ZNF277: variants seen among roughly 807,000 people sequenced by gnomAD.
ZNF277 encodes the protein zinc finger protein 277.
Under a neutral mutation model 60.7 loss-of-function variants are expected in ZNF277, and 55 were observed. That is an observed-to-expected ratio of 0.91 (90% confidence interval 0.73 to 1.13). The LOEUF (loss-of-function observed/expected upper bound fraction) is 1.13, where lower values mean the gene tolerates loss of function less well. ZNF277 is among the 50% of genes most tolerant of loss of function. ZNF277 has a pLI of 0.00. For synonymous variants in ZNF277, 178 were observed against 179.3 expected (o/e 0.99, Z 0.06); for missense variants, 510 against 523.0 (o/e 0.98, Z 0.24).
intron 1 of ZNF277, among the ~76,000 whole-genome samples, chr7:112,208,003 A>C (rs1821606747): frequency 6.6e-6 from 1 of 152,192 alleles, no homozygotes. Flanking sequence ...ACAGACTATT[A>C]CGGTTTCCTA....
chr7:112,265,465 A>G (rs767231495), intron 1 of ZNF277, among the ~76,000 whole-genome samples: 18 of 152,212 alleles, frequency 1.2e-4, no homozygotes, highest in Non-Finnish European at 2.5e-4. Context: ...AATTAGTAAC[A>G]TCAAGTATCA....
chr7:112,232,288 C>T (rs544712571), intron 1 of ZNF277, among the ~76,000 whole-genome samples: 48 of 151,998 alleles, frequency 3.2e-4, no homozygotes, highest in Non-Finnish European at 5.1e-4. Flanking sequence ...ACTAGACAAC[C>T]GAAGAAACCC....
At chr7:112,267,767 T>G (rs1365419646) in intron 1 of ZNF277, among the ~76,000 whole-genome samples, 1 of 152,086 alleles carries the variant, frequency 6.6e-6, no homozygotes, top group South Asian at 2.1e-4. Context: ...GGAAAGAAAG[T>G]TTTCCCTAGT....
At chr7:112,305,258 T>C (rs1186196654) in intron 4 of ZNF277, among the ~76,000 whole-genome samples, 8 of 152,028 alleles carry the variant, frequency 5.3e-5, no homozygotes, top group African/African-American at 1.9e-4. Flanking sequence ...CATGGCTTTT[T>C]TTGAAGGGGA....
intron 1 of ZNF277, among the ~76,000 whole-genome samples, chr7:112,258,377 T>C (rs1051033415): frequency 1.3e-5 from 2 of 151,806 alleles, no homozygotes; most frequent in African/African-American, 4.9e-5. Flanking sequence ...CTTTTTTTTT[T>C]AGTACATACC....
chr7:112,270,808 T>A (rs1791651266), intron 1 of ZNF277, among the ~76,000 whole-genome samples: 1 of 152,140 alleles, frequency 6.6e-6, no homozygotes, highest in Admixed American at 6.5e-5. Context: ...TATAAAGTTA[T>A]AAAATTGATC....
At chr7:112,279,452 TAG>T (rs1164317979) in intron 1 of ZNF277, among the ~76,000 whole-genome samples, 1 of 152,170 alleles carries the variant, frequency 6.6e-6, no homozygotes, top group East Asian at 1.9e-4. Flanking sequence ...CCCTGGTGAT[TAG>T]CACCTTTTCA....
chr7:112,277,044 A>G (rs1050871454), intron 1 of ZNF277, among the ~76,000 whole-genome samples: 5 of 144,990 alleles, frequency 3.4e-5, no homozygotes, highest in Non-Finnish European at 6.1e-5. Flanking sequence ...TTAAATTTTT[A>G]TGGGTCCCCA....
At chr7:112,270,679 A>G (rs1791648749) in intron 1 of ZNF277, among the ~76,000 whole-genome samples, 1 of 152,118 alleles carries the variant, frequency 6.6e-6, no homozygotes, top group African/African-American at 2.4e-5. Flanking sequence ...ACAAAATATA[A>G]TATCTATCAC....
chr7:112,265,972 G>C (rs1476423095), intron 1 of ZNF277, among the ~76,000 whole-genome samples: 1 of 152,042 alleles, frequency 6.6e-6, no homozygotes, highest in African/African-American at 2.4e-5. Context: ...AGAAAAGAAG[G>C]GTCAGTATTT....
chr7:112,239,027 T>C (rs1790876173), intron 1 of ZNF277, among the ~76,000 whole-genome samples: 2 of 151,984 alleles, frequency 1.3e-5, no homozygotes, highest in Admixed American at 6.6e-5. Flanking sequence ...CCCTGGAGCC[T>C]TGAATAAACA....
In ZNF277 at chr7:112,279,822, G is replaced by A. The variant is rs375607957; in HGVS notation, c.92-7051G>A. 2.6e-5 allele frequency among the ~76,000 whole-genome samples: 4 copies of A among 152,242 alleles called. No individual in the cohort carries two copies. In the East Asian group the frequency reaches 5.8e-4, roughly 22 times the overall value. ...AGAAAATATATTTACTACTCAAGAAGTGGAAGTGGATCGTCATAAAGGTCT... is the reference window on the plus strand; with the variant it reads ...AGAAAATATATTTACTACTCAAGAAATGGAAGTGGATCGTCATAAAGGTCT... On this transcript the variant is annotated intron_variant, in intron 1 of 11. Transcript: ENST00000361822.
At chr7:112,297,810 A>T (rs1407349733) in intron 4 of ZNF277, among the ~76,000 whole-genome samples, 1 of 152,184 alleles carries the variant, frequency 6.6e-6, no homozygotes, top group Non-Finnish European at 1.5e-5. Context: ...TGATCAAAAG[A>T]TGTCATGATC....
At chr7:112,255,137 C>T (rs1002654804) in intron 1 of ZNF277, among the ~76,000 whole-genome samples, 1 of 152,112 alleles carries the variant, frequency 6.6e-6, no homozygotes, top group African/African-American at 2.4e-5. Context: ...CAAATATTCA[C>T]CTTTTTGAAA....
chr7:112,237,979 C>A (rs1190161831), intron 1 of ZNF277, among the ~76,000 whole-genome samples: 2 of 152,114 alleles, frequency 1.3e-5, no homozygotes, highest in Non-Finnish European at 2.9e-5. Context: ...TAAATTAACA[C>A]CACCTGCAGA....
intron 1 of ZNF277, among the ~76,000 whole-genome samples, chr7:112,233,687 G>C (rs1822402962): frequency 6.6e-6 from 1 of 151,942 alleles, no homozygotes; most frequent in Non-Finnish European, 1.5e-5. Context: ...TTGACTACAG[G>C]GTTATTATAT....
intron 1 of ZNF277, among the ~76,000 whole-genome samples, chr7:112,249,074 C>G (rs982923967): frequency 6.6e-5 from 10 of 152,130 alleles, no homozygotes; most frequent in African/African-American, 2.4e-4. Context: ...ACTTCACATT[C>G]TTTTCTCACT....
chr7:112,294,983 A>G (rs1319008401), intron 2 of ZNF277, among the ~76,000 whole-genome samples: 1 of 152,128 alleles, frequency 6.6e-6, no homozygotes, highest in Admixed American at 6.5e-5. Flanking sequence ...TTCTTCATCT[A>G]TTTCAATAAG....
At chr7:112,208,596 C>G (rs112529022) in intron 1 of ZNF277, among the ~76,000 whole-genome samples, 2 of 109,516 alleles carry the variant, frequency 1.8e-5, no homozygotes, top group Admixed American at 1.9e-4. Context: ...TCTTCTTCTT[C>G]TTTTTTTTTT....
Sources: gnomAD v4.1 joint callset for allele counts (sites outside exome capture counted in the v4.1 genomes callset) on GRCh38, gnomAD v4.1.1 for gene constraint, MANE v1.5 for transcripts, NCBI Gene and HGNC (gene_info 2026-07-23, HGNC 2026-07-21) for gene names.